PWWP2A: variants seen among roughly 807,000 people sequenced by gnomAD.
The protein encoded by PWWP2A is PWWP domain-containing protein 2A.
A neutral mutation model predicts 48.5 loss-of-function variants in PWWP2A; 18 were observed. That is an observed-to-expected ratio of 0.37 (90% confidence interval 0.26 to 0.55). The LOEUF (loss-of-function observed/expected upper bound fraction) is 0.55, where lower values mean the gene tolerates loss of function less well. Among genes scored for constraint, PWWP2A ranks in the 20% least tolerant of loss-of-function variants. PWWP2A has a pLI of 0.81. For missense variants in PWWP2A, 867 were observed against 976.4 expected (o/e 0.89, Z 1.49); for synonymous variants, 396 against 387.7 (o/e 1.02, Z -0.25).
At chr5:160,062,628 A>T (rs747022567) in intron 5 of PWWP2A, among the ~76,000 whole-genome samples, 2 of 152,094 alleles carry the variant, frequency 1.3e-5, no homozygotes, top group Non-Finnish European at 2.9e-5. Context: ...TGATCCCTCC[A>T]TCCATGTAAT....
At position 160,101,955 on chromosome 5, in the gene PWWP2A, C is replaced by A. The variant is rs549983273; in HGVS notation, c.585-7890G>T. Among the ~76,000 whole-genome samples the A allele has an allele frequency of 2.0e-5, 3 of 151,280 alleles. No individual in the cohort carries two copies. The East Asian group carries it at 5.8e-4, about 29-fold the overall frequency. ...CAAAATCCAGTCTCTACTAAACATA[C>A]AAAAAGTAGCCGGGCGTGGTGGCAT... On this transcript the variant is annotated intron_variant, in intron 1 of 1. Coordinates refer to ENST00000307063, the MANE Select transcript of PWWP2A (RefSeq NM_001130864.2).
chr5:160,089,746 TCTTA>T (rs1359276348), downstream of PWWP2A: 1 of 1,213,448 alleles, frequency 8.2e-7, no homozygotes, highest in Admixed American at 3.2e-5. Flanking sequence ...TAGCCACGAC[TCTTA>T]CTTAAGCCGC....
chr5:160,074,316 T>C (rs1215291049), downstream of PWWP2A, among the ~76,000 whole-genome samples: 1 of 151,370 alleles, frequency 6.6e-6, no homozygotes, highest in Non-Finnish European at 1.5e-5. Flanking sequence ...CACATGCCTG[T>C]AATCCCAGCT....
At chr5:160,103,166 T>C (rs1756488708) in intron 1 of PWWP2A, among the ~76,000 whole-genome samples, 1 of 152,224 alleles carries the variant, frequency 6.6e-6, no homozygotes, top group Non-Finnish European at 1.5e-5. Flanking sequence ...ATGTTACAAA[T>C]GAGTGACTCT....
chr5:160,093,830 G>A lies in PWWP2A; in HGVS notation c.820C>T (p.Pro274Ser). 1 of 1,614,062 alleles carries A rather than the reference G, an allele frequency of 6.2e-7. No individual in the cohort carries two copies. The highest frequency in any genetic ancestry group is 8.5e-7 in the Non-Finnish European group (1 of 1,179,904). Reference protein sequence around the residue: ...PLFHEGAPYPPPLFIRDTYNQ... With the variant: ...PLFHEGAPYPSPLFIRDTYNQ... ...TATGTGTCCCTGATAAACAAAGGGG[G>A]AGGATAAGGTGCTCCTTCATGGAAG... The change falls in exon 2 of 2, where the codon CCC (proline) becomes TCC (serine). Residue 274 changes from proline (P) to serine (S), a missense_variant. By Grantham distance (74) the Pro-to-Ser change is moderately conservative. Coordinates refer to ENST00000307063, the MANE Select transcript of PWWP2A (RefSeq NM_001130864.2). The surrounding 1 kb of genome is among the most constrained non-coding windows in gnomAD (Gnocchi z 5.8).
intron 1 of PWWP2A, among the ~76,000 whole-genome samples, chr5:160,109,757 GAAAAAAAAAA>G (rs755988668): frequency 2.2e-4 from 12 of 53,352 alleles, no homozygotes; most frequent in African/African-American, 9.1e-4. Flanking sequence ...ATGCAACTGG[GAAAAAAAAAA>G]AAAAAAAATA....
the PWWP2A span, among the ~76,000 whole-genome samples, chr5:160,048,686 A>G: frequency 4.1e-4 from 63 of 152,312 alleles, 1 homozygote; most frequent in East Asian, 0.011. Context: ...GAAAAAAGAG[A>G]ATGATAGTCT....
chr5:160,051,264 CAT>C, the PWWP2A span: 1 of 1,171,614 alleles, frequency 8.5e-7, no homozygotes, highest in Non-Finnish European at 1.2e-6. Context: ...GAGGAGAACA[CAT>C]GAGTTAGAAA....
chr5:160,049,437 A>G, the PWWP2A span: 2 of 1,296,134 alleles, frequency 1.5e-6, no homozygotes, highest in Non-Finnish European at 2.1e-6. Context: ...AGGATGATTG[A>G]TGAAGGAATC....
At position 160,093,135 on chromosome 5, in the gene PWWP2A, C is replaced by T. The variant is rs966120680; in HGVS notation, c.1515G>A (p.Lys505=). 6.2e-7 allele frequency: 1 copy of T among 1,613,896 alleles called. No homozygotes were observed. Among genetic ancestry groups the T allele is most frequent in the Non-Finnish European group, 8.5e-7 (1 of 1,179,866 alleles). The change falls in exon 2 of 2, where the codon AAG becomes AAA. Residue 505 remains lysine, a synonymous_variant. Coordinates refer to ENST00000307063, the MANE Select transcript of PWWP2A (RefSeq NM_001130864.2). The surrounding 1 kb of genome is among the most constrained non-coding windows in gnomAD (Gnocchi z 5.8). ...GGGTAGAGGTGCAGCGAGACTGGGG[C>T]TTGGGTGCCATCTTGCCACTCCGCA... The part of the protein sequence containing the change: ...EKMRSGKMAP[K]PQSRCTSTRS...
chr5:160,117,748 A>T, intron 1 of PWWP2A: 1 of 271,342 alleles, frequency 3.7e-6, no homozygotes, highest in Non-Finnish European at 5.7e-6. Context: ...ATGAAATTTT[A>T]AATGGCTTTT....
intron 1 of PWWP2A, among the ~76,000 whole-genome samples, chr5:160,097,705 T>G (rs1467577499): frequency 3.5e-5 from 3 of 86,300 alleles, no homozygotes; most frequent in African/African-American, 1.4e-4. Flanking sequence ...GGTTTTTTTT[T>G]TGGGGGGGGG....
intron 4 of PWWP2A, chr5:160,064,899 G>A (rs1753553844): frequency 2.5e-6 from 4 of 1,601,010 alleles, no homozygotes; most frequent in Admixed American, 1.8e-5. Context: ...GTTCATTCCT[G>A]TATTCATTTG....
chr5:160,100,524 T>TG (rs1756162904), intron 1 of PWWP2A, among the ~76,000 whole-genome samples: 1 of 152,048 alleles, frequency 6.6e-6, no homozygotes. Flanking sequence ...CCCTGCACTT[T>TG]GGGAGGCCAA....
chr5:160,114,335 G>A (rs1184201357), intron 1 of PWWP2A, among the ~76,000 whole-genome samples: 1 of 151,734 alleles, frequency 6.6e-6, no homozygotes, highest in Non-Finnish European at 1.5e-5. Flanking sequence ...AGTTCAAGAT[G>A]CGCCTGGCCA....
At chr5:160,106,173 G>A (rs1238101712) in intron 1 of PWWP2A, among the ~76,000 whole-genome samples, 1 of 152,174 alleles carries the variant, frequency 6.6e-6, no homozygotes, top group African/African-American at 2.4e-5. Flanking sequence ...TAAGTGGTAT[G>A]GCGAAATATA....
Position 160,092,019 on chromosome 5 carries a change from TATATATACAC to T in PWWP2A, c.*353_*362del. 2.1e-6 allele frequency: 1 copy of T among 470,824 alleles called. No homozygotes were observed. Among genetic ancestry groups the T allele is most frequent in the Non-Finnish European group, 2.7e-6 (1 of 365,216 alleles). 29.2% of individuals were successfully genotyped at this position (470,824 alleles called of 1,614,324 possible). A position where few individuals can be genotyped will look rare whatever the true frequency, so the allele number is the denominator to read the frequency against. On this transcript the variant is annotated 3_prime_UTR_variant, in exon 2 of 2. Transcript: ENST00000307063. ...GTGTATATATACATACACGGATATA[TATATATACAC>T]ACACACACACGTATATATATGTATA...
chr5:160,109,791 A>G (rs1362824478), intron 1 of PWWP2A, among the ~76,000 whole-genome samples: 3 of 126,668 alleles, frequency 2.4e-5, no homozygotes, highest in Admixed American at 8.6e-5. Context: ...ATATATATAT[A>G]TATATATATA....
At position 160,118,828 on chromosome 5, in the gene PWWP2A, C is replaced by T. The variant is rs753693610; in HGVS notation, c.561G>A (p.Gly187=). Residue 187 remains glycine (G), a synonymous_variant, in exon 1 of 2, where the codon GGG becomes GGA. Transcript: ENST00000307063. ...ACCTTTTGGACAGATCCATGAGGAC[C>T]CCGGAGAAGAGCTTCTCCCCGAAGC... The part of the protein sequence containing the change: ...SFRFGEKLFS[G]VLMDLSKRFG... 3.8e-6 allele frequency: 6 copies of T among 1,564,496 alleles called. No individual in the cohort carries two copies. The East Asian group carries it at 7.3e-5, about 19-fold the overall frequency.
Sources: gnomAD v4.1 joint callset for allele counts (sites outside exome capture counted in the v4.1 genomes callset) on GRCh38, gnomAD v4.1.1 for gene constraint, Gnocchi (gnomAD v3.1) non-coding constraint, MANE v1.5 for transcripts, NCBI Gene and HGNC (gene_info 2026-07-23, HGNC 2026-07-21) for gene names.